Variants in PCDH15 observed in about 807,000 individuals in gnomAD.
PCDH15 encodes protocadherin-15.
Under a neutral mutation model 178.5 loss-of-function variants are expected in PCDH15, and 129 were observed. The observed-to-expected ratio is 0.72, with a 90% confidence interval of 0.63 to 0.84. The LOEUF is 0.84. Ranked by LOEUF, PCDH15 falls within the 40% of genes least tolerant of loss-of-function variation. PCDH15 has a pLI of 0.00. For synonymous variants in PCDH15, 800 were observed against 732.0 expected (o/e 1.09, Z -1.50); for missense variants, 2,230 against 2,099.9 (o/e 1.06, Z -1.21).
intron 32 of PCDH15, 92 bp from the exon 33 acceptor site, chr10:53,820,322 A>T (rs1343919329): frequency 5.1e-6 from 2 of 394,814 alleles, no homozygotes; most frequent in Non-Finnish European, 8.9e-6. Context: ...ATTTTGAAGC[A>T]GATGGGCTAA....
At chr10:54,167,254 A>G (rs1035218107) in intron 13 of PCDH15, among the ~76,000 whole-genome samples, 2 of 152,112 alleles carry the variant, frequency 1.3e-5, no homozygotes, top group East Asian at 1.9e-4. Context: ...CCCAAGGAAC[A>G]TCTCACCAAT....
chr10:54,907,641 C>CA (rs980854261), intron 2 of PCDH15, among the ~76,000 whole-genome samples: 3 of 152,024 alleles, frequency 2.0e-5, no homozygotes, highest in South Asian at 2.1e-4. Flanking sequence ...CAATGTTCTC[C>CA]AAAAAAATAT....
rs575367947 is a variant in PCDH15, at chr10:54,638,374, C to T, written c.91+25798G>A. ...ACAGACATTTACAATTAAGATTATT[C>T]TTTCAAAATTCAAGTTTTGAATTTG... On this transcript the variant is annotated intron_variant, in intron 2 of 37. Coordinates refer to ENST00000644397, the MANE Select transcript of PCDH15 (RefSeq NM_001384140.1). Among the ~76,000 whole-genome samples, 289 of 152,094 alleles carry T rather than the reference C, an allele frequency of 1.9e-3. 1 individual carries two copies. Among genetic ancestry groups the T allele is most frequent in the Non-Finnish European group, 1.9e-3 (130 of 67,948 alleles).
intron 13 of PCDH15, among the ~76,000 whole-genome samples, chr10:54,160,437 C>A (rs2045591752): frequency 6.6e-6 from 1 of 151,890 alleles, no homozygotes; most frequent in African/African-American, 2.4e-5. Flanking sequence ...GCATCACAGA[C>A]CTAAAGGTGA....
At chr10:54,135,828 T>C (rs1216033456) in intron 14 of PCDH15, among the ~76,000 whole-genome samples, 5 of 152,184 alleles carry the variant, frequency 3.3e-5, no homozygotes, top group Non-Finnish European at 7.3e-5. Flanking sequence ...AAATTATTTC[T>C]TTCAGCTTCA....
intron 2 of PCDH15, among the ~76,000 whole-genome samples, chr10:55,416,654 G>A (rs1838491353): frequency 6.6e-6 from 1 of 151,658 alleles, no homozygotes; most frequent in Non-Finnish European, 1.5e-5. Flanking sequence ...TAACAGGAGG[G>A]CCTCGTAGAG....
chr10:54,572,876 G>T (rs2090008076), intron 2 of PCDH15, among the ~76,000 whole-genome samples: 1 of 152,042 alleles, frequency 6.6e-6, no homozygotes, highest in Non-Finnish European at 1.5e-5. Context: ...TCTTGTATGT[G>T]GGATTAGACC....
chr10:55,258,504 A>T (rs1842062899), intron 1 of PCDH15, among the ~76,000 whole-genome samples: 1 of 152,076 alleles, frequency 6.6e-6, no homozygotes. Flanking sequence ...AAGCTCTGAA[A>T]CTTGCTTCAA....
At chr10:55,435,639 G>T (rs1839020335) in intron 2 of PCDH15, among the ~76,000 whole-genome samples, 1 of 151,670 alleles carries the variant, frequency 6.6e-6, no homozygotes, top group African/African-American at 2.4e-5. Context: ...ATTAAGAGTG[G>T]AAAATATAAA....
At chr10:54,141,871 G>T (rs887344150) in intron 14 of PCDH15, among the ~76,000 whole-genome samples, 8 of 152,116 alleles carry the variant, frequency 5.3e-5, no homozygotes, top group African/African-American at 1.9e-4. Context: ...AATGTGTGAT[G>T]ATGCTCTTTT....
At chr10:54,109,895 C>T (rs1337362650) in intron 15 of PCDH15, among the ~76,000 whole-genome samples, 2 of 152,002 alleles carry the variant, frequency 1.3e-5, no homozygotes, top group African/African-American at 4.8e-5. Context: ...GATGGATACC[C>T]CATTATCCTG....
intron 26 of PCDH15, 87 bp downstream of exon 26, chr10:53,903,156 G>T: frequency 1.4e-6 from 2 of 1,463,464 alleles, no homozygotes; most frequent in Non-Finnish European, 1.9e-6. Flanking sequence ...GCATAAGTAT[G>T]CAGTTAATGC....
chr10:54,686,339 C>T (rs1180991584), intron 1 of PCDH15, among the ~76,000 whole-genome samples: 1 of 151,986 alleles, frequency 6.6e-6, no homozygotes, highest in Non-Finnish European at 1.5e-5. Context: ...AATTTTGATG[C>T]ACTATGTTTT....
At chr10:54,531,541 G>A (rs779832227) in intron 2 of PCDH15, among the ~76,000 whole-genome samples, 18 of 152,066 alleles carry the variant, frequency 1.2e-4, no homozygotes, top group Non-Finnish European at 2.5e-4. Flanking sequence ...AAAGGCTTTT[G>A]AAAATCTAGG....
intron 17 of PCDH15, among the ~76,000 whole-genome samples, chr10:54,079,090 T>A (rs200575101): frequency 1.3e-5 from 2 of 152,246 alleles, no homozygotes; most frequent in East Asian, 3.9e-4. Flanking sequence ...TCCCTACAAG[T>A]TAGGTGAGAA....
chr10:54,617,193 C>T (rs1335934442), intron 2 of PCDH15, among the ~76,000 whole-genome samples: 1 of 151,900 alleles, frequency 6.6e-6, no homozygotes, highest in Admixed American at 6.6e-5. Flanking sequence ...CTGCACCTGG[C>T]CTAAAAATAT....
intron 2 of PCDH15, among the ~76,000 whole-genome samples, chr10:55,596,171 C>T (rs1476773710): frequency 6.6e-6 from 1 of 152,030 alleles, no homozygotes; most frequent in African/African-American, 2.4e-5. Context: ...CATATAGACA[C>T]AGCAAAAATA....
intron 1 of PCDH15, among the ~76,000 whole-genome samples, chr10:55,254,738 G>A (rs1841942661): frequency 6.6e-6 from 1 of 152,154 alleles, no homozygotes; most frequent in African/African-American, 2.4e-5. Flanking sequence ...TTTCATAAAT[G>A]GGGGAGGCTT....
At position 54,317,543 on chromosome 10, in the gene PCDH15, G is replaced by A. The variant is rs375302803; in HGVS notation, c.706-102C>T. 71 of 1,332,144 alleles carry A rather than the reference G, an allele frequency of 5.3e-5. No individual in the cohort carries two copies. In the African/African-American group the frequency reaches 9.2e-4, roughly 17 times the overall value. 82.5% of individuals were successfully genotyped at this position (1,332,144 alleles called of 1,614,324 possible). A position where few individuals can be genotyped will look rare whatever the true frequency, so the allele number is the denominator to read the frequency against. ...TAATCCCAGAACTTTGGGAGGCCAA[G>A]GTGGGTGGATCACTTGAGGTCAGGG... On this transcript the variant is annotated intron_variant, in intron 7 of 37. Transcript: ENST00000644397.
Sources: allele counts gnomAD v4.1 joint callset (sites outside exome capture counted in the v4.1 genomes callset), GRCh38; gene constraint gnomAD v4.1.1; transcripts MANE v1.5; gene names NCBI Gene and HGNC (gene_info 2026-07-23, HGNC 2026-07-21).